Variants in MAST4 observed in about 807,000 individuals in gnomAD.
MAST4 encodes the protein microtubule-associated serine/threonine-protein kinase 4.
In MAST4, 89 loss-of-function variants were observed where a neutral mutation model predicts 162.7. The ratio of observed to expected loss-of-function variants is 0.55; its 90% CI spans 0.46 to 0.65. The LOEUF (loss-of-function observed/expected upper bound fraction) is 0.65. MAST4 is among the 30% of genes least tolerant of loss of function. The pLI is 0.00. For missense variants in MAST4, 3,153 were observed against 3,374.0 expected (o/e 0.93, Z 1.62); for synonymous variants, 1,479 against 1,361.1 (o/e 1.09, Z -1.91).
At chr5:67,025,874 G>T (rs921290083) in intron 4 of MAST4, among the ~76,000 whole-genome samples, 1 of 152,160 alleles carries the variant, frequency 6.6e-6, no homozygotes. Context: ...CCTGTACTTC[G>T]TGTAGTACTT....
At chr5:66,777,945 T>C (rs1754679275) in intron 2 of MAST4, among the ~76,000 whole-genome samples, 2 of 152,236 alleles carry the variant, frequency 1.3e-5, no homozygotes. Context: ...CATTCATCAA[T>C]ATCTGTCATT....
At chr5:67,122,880 A>G (rs2150959701) in intron 14 of MAST4, among the ~76,000 whole-genome samples, 2 of 152,320 alleles carry the variant, frequency 1.3e-5, no homozygotes, top group Admixed American at 1.3e-4. Flanking sequence ...AACACCCAGG[A>G]TGCAGGCCAA....
chr5:66,963,705 A>C, intron 4 of MAST4: 2 of 779,758 alleles, frequency 2.6e-6, no homozygotes, highest in Non-Finnish European at 4.8e-6. Flanking sequence ...TTTAACTTTC[A>C]GTCTCACTCC....
intron 4 of MAST4, among the ~76,000 whole-genome samples, chr5:67,010,424 A>C (rs1005815279): frequency 3.9e-5 from 6 of 152,136 alleles, no homozygotes; most frequent in African/African-American, 1.2e-4. Context: ...AAGAGCCATC[A>C]TGGGAGGAGT....
chr5:67,055,838 T>C (rs1758738810), intron 5 of MAST4, among the ~76,000 whole-genome samples: 1 of 152,082 alleles, frequency 6.6e-6, no homozygotes, highest in Admixed American at 6.6e-5. Context: ...GGCATAGTTA[T>C]ATCCAAAACA....
intron 1 of MAST4, among the ~76,000 whole-genome samples, chr5:66,757,370 T>C (rs1753604339): frequency 6.6e-6 from 1 of 152,240 alleles, no homozygotes. Context: ...ACTAGGACTA[T>C]TAAATAGTAG....
At chr5:66,644,860 T>TC (rs1304229804) in intron 1 of MAST4, among the ~76,000 whole-genome samples, 59 of 151,222 alleles carry the variant, frequency 3.9e-4, no homozygotes, top group African/African-American at 1.4e-3. Flanking sequence ...CTGTGGTGGG[T>TC]ATGGCCCACT....
rs555520505 is a variant in MAST4 at position 67,027,941 on chromosome 5, C to T, written c.675-26463C>T. 1.3e-4 allele frequency among the ~76,000 whole-genome samples: 20 copies of T among 152,228 alleles called. No individual in the cohort carries two copies. In the East Asian group the frequency reaches 3.9e-3, roughly 29 times the overall value. Reference sequence around the variant, plus strand: ...TCAGTAATATCAGTTGAGCACCTTCCATGTGTTAGGGATTGTGCTGGAGAG... The same window carrying T: ...TCAGTAATATCAGTTGAGCACCTTCTATGTGTTAGGGATTGTGCTGGAGAG... On this transcript the variant is annotated intron_variant, in intron 4 of 28. Coordinates refer to ENST00000403625, the MANE Select transcript of MAST4 (RefSeq NM_001164664.2).
intron 3 of MAST4, among the ~76,000 whole-genome samples, chr5:66,832,323 G>A (rs1404753801): frequency 6.6e-6 from 1 of 152,064 alleles, no homozygotes; most frequent in Admixed American, 6.6e-5. Context: ...TCAACGAAAA[G>A]CAATGAAATG....
At chr5:66,625,839 A>G (rs1229857099) in intron 1 of MAST4, among the ~76,000 whole-genome samples, 7 of 152,206 alleles carry the variant, frequency 4.6e-5, no homozygotes, top group Non-Finnish European at 8.8e-5. Flanking sequence ...ACTTGCACTC[A>G]TGTTCTTAGC....
intron 3 of MAST4, among the ~76,000 whole-genome samples, chr5:66,884,104 AG>A (rs1761887484): frequency 6.6e-6 from 1 of 152,236 alleles, no homozygotes; most frequent in Non-Finnish European, 1.5e-5. Context: ...CACTAAAATT[AG>A]GGCTTATTTA....
At chr5:67,076,985 A>G (rs959153068) in intron 5 of MAST4, among the ~76,000 whole-genome samples, 7 of 152,270 alleles carry the variant, frequency 4.6e-5, no homozygotes, top group South Asian at 2.1e-4. Flanking sequence ...GATACACTCT[A>G]CAGTTGGAGA....
At chr5:66,638,398 T>C (rs1056410424) in intron 1 of MAST4, among the ~76,000 whole-genome samples, 6 of 152,198 alleles carry the variant, frequency 3.9e-5, no homozygotes, top group African/African-American at 1.4e-4. Context: ...TCACCCTGGG[T>C]CACTCCTGCC....
chr5:66,815,621 ATTC>A (rs1380534746), intron 3 of MAST4, among the ~76,000 whole-genome samples: 4 of 152,184 alleles, frequency 2.6e-5, no homozygotes, highest in Admixed American at 6.5e-5. Flanking sequence ...TTTTTAAAAA[ATTC>A]TTCTTTCTGG....
At chr5:67,114,423 A>C (rs774984495) in intron 12 of MAST4, 28 of 547,352 alleles carry the variant, frequency 5.1e-5, no homozygotes, top group Non-Finnish European at 8.0e-5. Context: ...TTTTGTGTCT[A>C]CCTAGAGCGT....
chr5:67,003,631 T>G (rs1185138657), intron 4 of MAST4, among the ~76,000 whole-genome samples: 2 of 152,210 alleles, frequency 1.3e-5, no homozygotes, highest in Non-Finnish European at 2.9e-5. Context: ...GCAGCTAATT[T>G]AAATTATATT....
At chr5:67,078,923 T>TATA (rs1554093905) in intron 5 of MAST4, among the ~76,000 whole-genome samples, 9 of 81,732 alleles carry the variant, frequency 1.1e-4, no homozygotes, top group Admixed American at 1.6e-4. Context: ...TATATATATA[T>TATA]ATATATATAT....
At chr5:67,020,106 A>G (rs1753790664) in intron 4 of MAST4, among the ~76,000 whole-genome samples, 3 of 152,188 alleles carry the variant, frequency 2.0e-5, no homozygotes, top group Non-Finnish European at 2.9e-5. Flanking sequence ...ACTGAACTGT[A>G]CATGTTACCT....
chr5:67,103,419 A>G (rs1190848646), intron 9 of MAST4, among the ~76,000 whole-genome samples: 1 of 152,250 alleles, frequency 6.6e-6, no homozygotes, highest in Non-Finnish European at 1.5e-5. Context: ...GTCATTGATT[A>G]AAGCTGTTTT....
Sources: gnomAD v4.1 joint callset for allele counts (sites outside exome capture counted in the v4.1 genomes callset) on GRCh38, gnomAD v4.1.1 for gene constraint, MANE v1.5 for transcripts, NCBI Gene and HGNC (gene_info 2026-07-23, HGNC 2026-07-21) for gene names.